Variants in ABCB7 observed in about 807,000 individuals in gnomAD.
The protein encoded by ABCB7 is iron-sulfur clusters transporter ABCB7, mitochondrial.
ABCB7 carries 7 observed loss-of-function variants against 54.4 expected under a neutral mutation model. The observed-to-expected ratio is 0.13, with a 90% CI of 0.07 to 0.24. ABCB7 has a LOEUF of 0.24. ABCB7 is among the 10% of genes least tolerant of loss of function. ABCB7 has a pLI of 1.00. For missense variants in ABCB7, 356 were observed against 570.4 expected (o/e 0.62, Z 3.83); for synonymous variants, 218 against 207.1 (o/e 1.05, Z -0.45).
intron 15 of ABCB7, among the ~76,000 whole-genome samples, chrX:75,059,428 G>C (rs984957159): frequency 9.3e-6 from 1 of 107,766 alleles, no homozygotes; most frequent in African/African-American, 3.4e-5. Context: ...CCGAGATCGC[G>C]CCACTGTACT....
intron 3 of ABCB7, 101 bp downstream of exon 3, chrX:75,112,785 A>G: frequency 6.3e-6 from 4 of 634,565 alleles, no homozygotes; most frequent in Non-Finnish European, 1.0e-5. Flanking sequence ...CAGTTAGATG[A>G]GTCAATCAAA....
At chrX:75,149,963 T>C (rs1033609420) in intron 1 of ABCB7, among the ~76,000 whole-genome samples, 2 of 111,374 alleles carry the variant, frequency 1.8e-5, no homozygotes, top group African/African-American at 6.5e-5. Flanking sequence ...AGAGAAACAG[T>C]TTACAATATG....
At chrX:75,128,859 T>C (rs993163649) in intron 1 of ABCB7, among the ~76,000 whole-genome samples, 2 of 112,194 alleles carry the variant, frequency 1.8e-5, no homozygotes, top group Non-Finnish European at 3.8e-5. Context: ...TCATCATCAC[T>C]GCTCATTAGA....
intron 4 of ABCB7, among the ~76,000 whole-genome samples, chrX:75,091,655 A>G (rs906177756): frequency 9.2e-6 from 1 of 108,751 alleles, no homozygotes; most frequent in East Asian, 2.8e-4. Context: ...AGGTGATATA[A>G]TTGTCTATAC....
At position 75,068,014 on chromosome X, in the gene ABCB7, GATGTT is replaced by G. The variant is rs200662434; in HGVS notation, c.1659+988_1659+992del. Among the ~76,000 whole-genome samples the G allele has an allele frequency of 9.7e-3, 1,075 of 111,225 alleles. 15 individuals carry two copies. Among genetic ancestry groups the G allele is most frequent in the African/African-American group, 0.034 (1,025 of 30,560 alleles). Reference sequence around the variant, plus strand: ...TGTATATATTTAAGGTATAGAACATGATGTTATGAGATACATATAGATAGTAAAAT... The same window carrying G: ...TGTATATATTTAAGGTATAGAACATGATGAGATACATATAGATAGTAAAAT... On this transcript the variant is annotated intron_variant, in intron 12 of 15. Coordinates refer to ENST00000373394, the MANE Select transcript of ABCB7 (RefSeq NM_001271696.3).
chrX:75,092,332 A>C (rs2147494438), intron 4 of ABCB7, among the ~76,000 whole-genome samples: 1 of 111,477 alleles, frequency 9.0e-6, no homozygotes, highest in South Asian at 3.8e-4. Flanking sequence ...GGAAAGAGAC[A>C]GCCTTTTCAA....
chrX:75,125,823 T>G (rs1276935576), intron 1 of ABCB7, among the ~76,000 whole-genome samples: 1 of 110,351 alleles, frequency 9.1e-6, no homozygotes, highest in Non-Finnish European at 1.9e-5. Context: ...TTTCAAAAAA[T>G]ATGGTAAAGC....
chrX:75,086,811 AG>A (rs2081501575), intron 4 of ABCB7, among the ~76,000 whole-genome samples: 2 of 111,832 alleles, frequency 1.8e-5, no homozygotes, highest in African/African-American at 6.5e-5. Flanking sequence ...TGAGAAAAAC[AG>A]AATGCAGCAA....
At chrX:75,147,148 A>G (rs943573571) in intron 1 of ABCB7, among the ~76,000 whole-genome samples, 2 of 111,828 alleles carry the variant, frequency 1.8e-5, no homozygotes, top group African/African-American at 3.2e-5. Flanking sequence ...AATGGCTAGT[A>G]TTAAAAAGTC....
At chrX:75,086,739 G>A (rs1185001195) in intron 4 of ABCB7, among the ~76,000 whole-genome samples, 1 of 111,920 alleles carries the variant, frequency 8.9e-6, no homozygotes, top group Non-Finnish European at 1.9e-5. Flanking sequence ...AGGTAAGGTA[G>A]GAGATTGGCA....
At chrX:75,065,865 C>G (rs369567794) in intron 12 of ABCB7, among the ~76,000 whole-genome samples, 1 of 111,198 alleles carries the variant, frequency 9.0e-6, no homozygotes, top group African/African-American at 3.3e-5. Flanking sequence ...TATAAGTACA[C>G]GCTAACCAAT....
At chrX:75,075,335 G>C (rs1484150957) in intron 6 of ABCB7, 27 bp downstream of exon 6, 1 of 1,196,646 alleles carries the variant, frequency 8.4e-7, no homozygotes, top group Non-Finnish European at 1.1e-6. Flanking sequence ...TAAGATAAAA[G>C]CTTGTTATGA....
chrX:75,075,896 C>T (rs1210278776), intron 5 of ABCB7, among the ~76,000 whole-genome samples: 2 of 111,617 alleles, frequency 1.8e-5, no homozygotes, highest in Admixed American at 1.9e-4. Context: ...TAAATAATAG[C>T]CCACATGGCA....
At chrX:75,068,349 A>G (rs1389900936) in intron 12 of ABCB7, among the ~76,000 whole-genome samples, 1 of 111,957 alleles carries the variant, frequency 8.9e-6, no homozygotes, top group Non-Finnish European at 1.9e-5. Context: ...ATAAGCTTTC[A>G]TCATAAAAAA....
At chrX:75,153,865 TC>T (rs1316619128) in intron 1 of ABCB7, among the ~76,000 whole-genome samples, 1 of 107,262 alleles carries the variant, frequency 9.3e-6, no homozygotes, top group Non-Finnish European at 1.9e-5. Flanking sequence ...TTCTTTATAT[TC>T]TACTGAATTT....
rs999725994 is a variant in ABCB7 at position 75,096,149 on chromosome X, T to C, written c.453+2793A>G. ...CATATTTATCCTTAGGTAATTTGTATGTAAAAGACAATTCAGCAAACAATA... is the reference window on the plus strand; with the variant it reads ...CATATTTATCCTTAGGTAATTTGTACGTAAAAGACAATTCAGCAAACAATA... On this transcript the variant is annotated intron_variant, in intron 4 of 15. Coordinates refer to ENST00000373394, the MANE Select transcript of ABCB7 (RefSeq NM_001271696.3). 1.8e-5 allele frequency among the ~76,000 whole-genome samples: 2 copies of C among 112,386 alleles called. 1 individual carries two copies. The highest frequency in any genetic ancestry group is 6.5e-5 in the African/African-American group (2 of 30,978).
intron 1 of ABCB7, among the ~76,000 whole-genome samples, chrX:75,119,652 C>A (rs764366879): frequency 8.9e-6 from 1 of 111,812 alleles, no homozygotes; most frequent in South Asian, 3.7e-4. Flanking sequence ...ATACAGGAAG[C>A]ACTGTCAAAT....
chrX:75,068,387 C>T (rs757347148), intron 12 of ABCB7, among the ~76,000 whole-genome samples: 43 of 111,820 alleles, frequency 3.8e-4, no homozygotes, highest in Non-Finnish European at 7.1e-4. Flanking sequence ...CTATCTACTT[C>T]TTAACTTCTC....
chrX:75,054,192 G>C (rs2081217661), intron 15 of ABCB7, among the ~76,000 whole-genome samples: 1 of 112,034 alleles, frequency 8.9e-6, no homozygotes, highest in Non-Finnish European at 1.9e-5. Context: ...CATGCTGAGA[G>C]ACAAAAGGAC....
Sources: gnomAD v4.1 joint callset for allele counts (sites outside exome capture counted in the v4.1 genomes callset) on GRCh38, gnomAD v4.1.1 for gene constraint, MANE v1.5 for transcripts, NCBI Gene and HGNC (gene_info 2026-07-23, HGNC 2026-07-21) for gene names.